Variants in UROD observed in about 807,000 individuals in gnomAD.
UROD encodes uroporphyrinogen III decarboxylase.
In UROD, 34 loss-of-function variants were observed where a neutral mutation model predicts 47.1. The ratio of observed to expected loss-of-function variants is 0.72; its 90% CI spans 0.55 to 0.96. The LOEUF (loss-of-function observed/expected upper bound fraction) is 0.96, where lower values mean the gene tolerates loss of function less well. Ranked by LOEUF, UROD falls within the 40% of genes least tolerant of loss-of-function variation. The pLI, the probability that UROD is intolerant of heterozygous loss-of-function variation, is 0.00. For missense variants in UROD, 381 were observed against 471.8 expected (o/e 0.81, Z 1.78); for synonymous variants, 148 against 175.8 (o/e 0.84, Z 1.25).
In UROD at chr1:45,013,078, G is replaced by A. The variant is rs1302239465; in HGVS notation, c.134-58G>A. On this transcript the variant is annotated intron_variant, in intron 2 of 9. Transcript: ENST00000246337. The surrounding 1 kb of genome is among the most constrained non-coding windows in gnomAD (Gnocchi z 4.2). ...TCCGGAGGGAGAAAAGTTTTCGAGG[G>A]GCAGGGGAGGGCTCTGGAGGGCCTC... 3.1e-6 allele frequency: 5 copies of A among 1,614,002 alleles called. No individual in the cohort carries two copies. Among genetic ancestry groups the A allele is most frequent in the Non-Finnish European group, 4.2e-6 (5 of 1,180,030 alleles).
In UROD at chr1:45,013,352, C is replaced by A; in HGVS notation, c.274C>A (p.Gln92Lys). The A allele has an allele frequency of 6.2e-7, 1 of 1,614,194 alleles. No individual in the cohort carries two copies. Among genetic ancestry groups the A allele is most frequent in the Non-Finnish European group, 8.5e-7 (1 of 1,180,034 alleles). Residue 92 changes from glutamine (Q) to lysine (K), a missense_variant and splice_region_variant, in exon 4 of 10, where the codon CAG (glutamine) becomes AAG (lysine). Transcript: ENST00000246337. This position sits in a 1 kb window ranked among gnomAD's most constrained non-coding sequence, Gnocchi z 4.2. ...TTTCTCCGACATCCTTGTTGTACCC[C>A]AGGTACCCACTCAAACCTGATCCTA... is the stretch of plus-strand genomic sequence containing the variant. ...IIFSDILVVP[Q>K]ALGMEVTMVP...
rs115300181 is a variant in UROD, at chr1:45,013,888, C to G, written c.475-21C>G. 718 of 1,614,232 alleles carry G rather than the reference C, an allele frequency of 4.4e-4. 3 individuals are homozygous for G. In the African/African-American group the frequency reaches 8.5e-3, roughly 19 times the overall value. On this transcript the variant is annotated intron_variant, in intron 5 of 9. Coordinates refer to ENST00000246337, the MANE Select transcript of UROD (RefSeq NM_000374.5). The surrounding 1 kb of genome is among the most constrained non-coding windows in gnomAD (Gnocchi z 4.2). The stretch of plus-strand genomic sequence containing the variant: ...AGGGTCAGTCTGGCTTCTGTGACAC[C>G]ATCTTTCTATCCTTCTCTAGTGGAC...
rs747933613 is a variant in UROD at position 45,015,563 on chromosome 1, T to C, written c.*65T>C. 8.1e-6 allele frequency: 13 copies of C among 1,612,242 alleles called. No individual in the cohort carries two copies. In the African/African-American group the frequency reaches 1.6e-4, roughly 20 times the overall value. ...TTGATCGTTTCCAGGACAATAAAAG[T>C]TTCGGAGTTGAACTATTGTGTAGTT... On this transcript the variant is annotated 3_prime_UTR_variant, in exon 10 of 10. Transcript: ENST00000246337.
In UROD at chr1:45,012,960, G is replaced by A. The variant is rs764268015; in HGVS notation, c.74G>A (p.Gly25Glu). Residue 25 changes from glycine (G) to glutamate (E), a missense_variant, in exon 2 of 10, where the codon GGA becomes GAA. Coordinates refer to ENST00000246337, the MANE Select transcript of UROD (RefSeq NM_000374.5). Reference protein sequence around the residue: ...KNDTFLRAAWGEETDYTPVWC... With the variant: ...KNDTFLRAAWEEETDYTPVWC... ...GACACATTCCTGCGAGCAGCCTGGGGAGAGGAAACAGACTACACTCCCGTT... is the reference window on the plus strand; with the variant it reads ...GACACATTCCTGCGAGCAGCCTGGGAAGAGGAAACAGACTACACTCCCGTT... The A allele has an allele frequency of 1.2e-6, 2 of 1,613,948 alleles. No homozygotes were observed. Among genetic ancestry groups the A allele is most frequent in the Non-Finnish European group, 1.7e-6 (2 of 1,180,008 alleles).
Position 45,014,959 on chromosome 1 carries a change from G to C in UROD, c.895G>C (p.Val299Leu). Residue 299 changes from valine (V) to leucine (L), a missense_variant, in exon 9 of 10, where the codon GTG (valine) becomes CTG (leucine). Transcript: ENST00000246337. ...KKARECVGKT[V>L]TLQGNLDPCA... ...TTCCAGGGAGTGTGTGGGGAAGACG[G>C]TGACATTGCAGGGCAACCTGGACCC... 6.2e-7 allele frequency: 1 copy of C among 1,614,092 alleles called. No individual in the cohort carries two copies. Among genetic ancestry groups the C allele is most frequent in the East Asian group, 2.2e-5 (1 of 44,884 alleles).
At chr1:45,012,432 A>C in intron 1 of UROD, 147 bp downstream of exon 1, 1 of 1,206,260 alleles carries the variant, frequency 8.3e-7, no homozygotes, top group Non-Finnish European at 1.2e-6. Flanking sequence ...TCCTAAAACC[A>C]TGGATTTTTG....
In UROD at chr1:45,013,133, C is replaced by G. The variant is rs1557734019; in HGVS notation, c.134-3C>G. ...CTGAGCCCTGTCTTCCCTCTGTATG[C>G]AGAGTTTAGGGAAACCCGGGCTGCC... On this transcript the variant is annotated splice_polypyrimidine_tract_variant and splice_region_variant and intron_variant, in intron 2 of 9. Coordinates refer to ENST00000246337, the MANE Select transcript of UROD (RefSeq NM_000374.5). The surrounding 1 kb of genome is among the most constrained non-coding windows in gnomAD (Gnocchi z 4.2). 6.2e-7 allele frequency: 1 copy of G among 1,614,162 alleles called. No homozygotes were observed. Among genetic ancestry groups the G allele is most frequent in the Admixed American group, 1.7e-5 (1 of 60,016 alleles).
intron 7 of UROD, 63 bp downstream of exon 7, chr1:45,014,639 G>A: frequency 1.9e-6 from 3 of 1,613,718 alleles, no homozygotes. Flanking sequence ...AGTCCTGCAT[G>A]GACTGGAGTG....
chr1:45,015,091 T>G, intron 9 of UROD, 85 bp downstream of exon 9: 1 of 1,592,372 alleles, frequency 6.3e-7, no homozygotes. Flanking sequence ...TTGTTTTTAA[T>G]GTCTGTCTGT....
intron 1 of UROD, 40 bp from the exon 2 acceptor site, chr1:45,012,867 A>G: frequency 6.2e-7 from 1 of 1,612,080 alleles, no homozygotes; most frequent in Admixed American, 1.7e-5. Flanking sequence ...CCTCCAGCGT[A>G]GCATACTGAC....
chr1:45,015,531 C>T lies in UROD; in HGVS notation c.*33C>T, dbSNP rs780070871. ...CCTTTACCCTCAAGTACCACTAACACAGATGATTGATCGTTTCCAGGACAA... is the reference window on the plus strand; with the variant it reads ...CCTTTACCCTCAAGTACCACTAACATAGATGATTGATCGTTTCCAGGACAA... On this transcript the variant is annotated 3_prime_UTR_variant, in exon 10 of 10. Transcript: ENST00000246337. The T allele has an allele frequency of 4.3e-6, 7 of 1,614,026 alleles. No individual in the cohort carries two copies. The South Asian group carries it at 4.4e-5, about 10-fold the overall frequency.
chr1:45,012,748 G>A (rs775510536), intron 1 of UROD, 159 bp from the exon 2 acceptor site: 34 of 1,473,500 alleles, frequency 2.3e-5, no homozygotes, highest in Non-Finnish European at 5.5e-6. Flanking sequence ...CCACCTGATA[G>A]GCAGAGAGGA....
rs770941117 is a variant in UROD, at chr1:45,012,880, C to T, written c.21-27C>T. 3.1e-6 allele frequency: 5 copies of T among 1,613,048 alleles called. No homozygotes were observed. In the South Asian group the frequency reaches 5.5e-5, roughly 18 times the overall value. ...AGCCTCCAGCGTAGCATACTGACAC[C>T]TACCCCCACCCCCACCTGATCGCCA... On this transcript the variant is annotated intron_variant, in intron 1 of 9. Coordinates refer to ENST00000246337, the MANE Select transcript of UROD (RefSeq NM_000374.5).
intron 9 of UROD, 93 bp from the exon 10 acceptor site, chr1:45,015,244 A>C: frequency 6.5e-7 from 1 of 1,543,654 alleles, no homozygotes; most frequent in Non-Finnish European, 8.8e-7. Context: ...CACTGAGTAG[A>C]AGCATGCCTA....
chr1:45,015,031 G>A (rs781658702), intron 9 of UROD, 25 bp downstream of exon 9: 2 of 1,612,766 alleles, frequency 1.2e-6, no homozygotes, highest in Non-Finnish European at 1.7e-6. Flanking sequence ...CCCTCTGTGT[G>A]TCTGTTACTG....
At position 45,013,210 on chromosome 1, in the gene UROD, C is replaced by A. The variant is rs1557734102; in HGVS notation, c.208C>A (p.Leu70Met). The A allele has an allele frequency of 6.2e-7, 1 of 1,614,098 alleles. No individual in the cohort carries two copies. The highest frequency in any genetic ancestry group is 1.1e-5 in the South Asian group (1 of 91,092). The change falls in exon 3 of 10, where the codon CTG becomes ATG. Residue 70 changes from leucine (L) to methionine (M), a missense_variant. Transcript: ENST00000246337. The surrounding 1 kb of genome is among the most constrained non-coding windows in gnomAD (Gnocchi z 4.2). ...TCCTGAGGCCTGCTGTGAACTGACT[C>A]TGCAGGTGAGGGGTCCACAAAAGAG... ...RSPEACCELT[L>M]QPLRRFPLDA... is the part of the protein sequence containing the mutation.
In UROD at chr1:45,013,994, C is replaced by G; in HGVS notation, c.560C>G (p.Ala187Gly). Reference sequence around the variant, plus strand: ...CGCTGGCTCTATCAGAGACCTCAGGCTAGTCACCAGCTGCTTCGCATCCTC... The same window carrying G: ...CGCTGGCTCTATCAGAGACCTCAGGGTAGTCACCAGCTGCTTCGCATCCTC... ...AKRWLYQRPQ[A>G]SHQLLRILTD... The change falls in exon 6 of 10, where the codon GCT becomes GGT. Residue 187 changes from alanine to glycine, a missense_variant. Transcript: ENST00000246337. The surrounding 1 kb of genome is among the most constrained non-coding windows in gnomAD (Gnocchi z 4.2). The G allele has an allele frequency of 6.2e-7, 1 of 1,614,236 alleles. No homozygotes were observed. The highest frequency in any genetic ancestry group is 8.5e-7 in the Non-Finnish European group (1 of 1,180,054).
At chr1:45,012,651 C>G (rs144931065) in intron 1 of UROD, 4 of 692,966 alleles carry the variant, frequency 5.8e-6, no homozygotes, top group South Asian at 3.8e-5. Flanking sequence ...TCCCTCCCCC[C>G]AGTCCCTCTG....
Position 45,015,233 on chromosome 1 carries a change from A to C in UROD, c.943-104A>C, listed in dbSNP as rs141953653. The C allele has an allele frequency of 5.2e-3, 7,865 of 1,517,990 alleles. 504 individuals are homozygous for C. In the Admixed American group the frequency reaches 0.12, roughly 23 times the overall value. 94.0% of individuals were successfully genotyped at this position (1,517,990 alleles called of 1,614,324 possible). A position where few individuals can be genotyped will look rare whatever the true frequency, so the allele number is the denominator to read the frequency against. ...ATAAATTTTATTGAATGACTGAATA[A>C]CACTGAGTAGAAGCATGCCTACATA... On this transcript the variant is annotated intron_variant, in intron 9 of 9. Transcript: ENST00000246337.
Sources: allele counts gnomAD v4.1 joint callset, GRCh38; gene constraint gnomAD v4.1.1; non-coding constraint Gnocchi (gnomAD v3.1); transcripts MANE v1.5; gene names NCBI Gene and HGNC (gene_info 2026-07-23, HGNC 2026-07-21).